CNTRL: variants seen among roughly 807,000 people sequenced by gnomAD.
CNTRL encodes the protein centriolin.
A neutral mutation model predicts 303.7 loss-of-function variants in CNTRL; 233 were observed. That is an observed-to-expected ratio of 0.77 (90% CI 0.69 to 0.86). The LOEUF (loss-of-function observed/expected upper bound fraction) is 0.86, where lower values mean the gene tolerates loss of function less well. CNTRL is among the 40% of genes least tolerant of loss of function. The pLI is 0.00. For synonymous variants in CNTRL, 900 were observed against 922.2 expected, an observed-to-expected ratio of 0.98 and a Z score of 0.44; for missense variants, 2,524 against 2,650.6, an observed-to-expected ratio of 0.95 and a Z score of 1.05.
chr9:121,090,135 CATT>C (rs1295880496), intron 3 of CNTRL, 137 bp from the exon 4 acceptor site: 3 of 452,048 alleles, frequency 6.6e-6, no homozygotes, highest in South Asian at 3.9e-5. Context: ...ATTATTAAAA[CATT>C]ATGATTAGAA....
chr9:121,119,080 A>ATGTGTGTGTGTG (rs3047904), intron 12 of CNTRL, among the ~76,000 whole-genome samples: 2 of 148,546 alleles, frequency 1.3e-5, no homozygotes, highest in East Asian at 2.0e-4. Context: ...ACATAAATAT[A>ATGTGTGTGTGTG]TGTGTGTGTG....
intron 1 of CNTRL, among the ~76,000 whole-genome samples, chr9:121,075,488 T>C (rs7039793): frequency 0.029 from 4,452 of 151,996 alleles, 208 homozygotes; most frequent in African/African-American, 0.1. Context: ...TCGGACGGAG[T>C]ACAGTGCGTG....
At position 121,152,606 on chromosome 9, in the gene CNTRL, A is replaced by G; in HGVS notation, c.4085A>G (p.Asn1362Ser). The G allele has an allele frequency of 1.9e-6, 3 of 1,614,046 alleles. No homozygotes were observed. Among genetic ancestry groups the G allele is most frequent in the Non-Finnish European group, 1.7e-6 (2 of 1,179,910 alleles). The change falls in exon 26 of 44, where the codon AAT becomes AGT. Residue 1362 changes from asparagine to serine, a missense_variant. Physicochemically the swap from Asn to Ser is conservative, Grantham distance 46 (BLOSUM62 1). Coordinates refer to ENST00000373855, the MANE Select transcript of CNTRL (RefSeq NM_007018.6). ...AAAGAAATGGAAGAACTGCATCATA[A>G]TATTGATGATCTTTTGCAAGAGAAG... ...SEKEMEELHH[N>S]IDDLLQEKKS...
chr9:121,081,994 G>T (rs917403461), intron 2 of CNTRL, among the ~76,000 whole-genome samples: 1 of 152,202 alleles, frequency 6.6e-6, no homozygotes, highest in Non-Finnish European at 1.5e-5. Context: ...ATTAGTAAAC[G>T]AAAGACACTC....
Position 121,171,487 on chromosome 9 carries a change from C to T in CNTRL, c.6356C>T (p.Ala2119Val). The change falls in exon 40 of 44, where the codon GCC becomes GTC. Residue 2119 changes from alanine (A) to valine (V), a missense_variant. Coordinates refer to ENST00000373855, the MANE Select transcript of CNTRL (RefSeq NM_007018.6). The part of the protein sequence containing the change: ...ELVAQDNHER[A>V]RRLMKELNQM... ...GTAGCCCAGGACAACCATGAGCGGG[C>T]CAGGCGCCTGATGAAGGAGCTCAAC... is the stretch of plus-strand genomic sequence containing the variant. The T allele has an allele frequency of 6.2e-7, 1 of 1,614,014 alleles. No homozygotes were observed. The highest frequency in any genetic ancestry group is 8.5e-7 in the Non-Finnish European group (1 of 1,179,952).
chr9:121,140,618 C>A, intron 16 of CNTRL, 23 bp from the exon 17 acceptor site: 3 of 1,589,444 alleles, frequency 1.9e-6, no homozygotes, highest in South Asian at 1.1e-5. Context: ...AATAGATAAT[C>A]CCTATTTCAT....
rs1420601333 is a variant in CNTRL, at chr9:121,177,533, C to CT, written c.*350dup. Reference sequence around the variant, plus strand: ...ACAAAAAGAATGTACTTAAGGCCCTCTTTATTTATAGTGTCGAGTTATTTT... The same window carrying CT: ...ACAAAAAGAATGTACTTAAGGCCCTCTTTTATTTATAGTGTCGAGTTATTTT... On this transcript the variant is annotated 3_prime_UTR_variant, in exon 44 of 44. Coordinates refer to ENST00000373855, the MANE Select transcript of CNTRL (RefSeq NM_007018.6). 3.9e-6 allele frequency: 1 copy of CT among 258,590 alleles called. No individual in the cohort carries two copies. The highest frequency in any genetic ancestry group is 7.3e-6 in the Non-Finnish European group (1 of 137,260). The allele number at this position is 258,590 out of a possible 1,614,324, so 16.0% of individuals were successfully genotyped here.
intron 7 of CNTRL, among the ~76,000 whole-genome samples, chr9:121,100,595 A>G (rs151060638): frequency 5.9e-5 from 9 of 152,360 alleles, no homozygotes; most frequent in Admixed American, 1.3e-4. Flanking sequence ...AATGCCCCCA[A>G]TTAAAAGACG....
rs1480007341 is a variant in CNTRL at position 121,148,606 on chromosome 9, T to C, written c.3460-66T>C. ...TACATCTCAACTTTGCTGTAGACTT[T>C]GACGTTTCTTAAAATCAGCCTTTCC... is the stretch of plus-strand genomic sequence containing the variant. On this transcript the variant is annotated intron_variant, in intron 23 of 43. Coordinates refer to ENST00000373855, the MANE Select transcript of CNTRL (RefSeq NM_007018.6). 6.2e-6 allele frequency: 9 copies of C among 1,442,858 alleles called. No homozygotes were observed. The East Asian group carries it at 1.6e-4, about 26-fold the overall frequency. 89.4% of individuals were successfully genotyped at this position (1,442,858 alleles called of 1,614,324 possible).
chr9:121,098,914 G>A (rs559858220), intron 7 of CNTRL, among the ~76,000 whole-genome samples: 1 of 152,242 alleles, frequency 6.6e-6, no homozygotes, highest in African/African-American at 2.4e-5. Context: ...CATTTAACCC[G>A]AAAGCAAAGA....
chr9:121,075,323 C>T (rs948983589), intron 1 of CNTRL, among the ~76,000 whole-genome samples: 1 of 152,152 alleles, frequency 6.6e-6, no homozygotes, highest in African/African-American at 2.4e-5. Flanking sequence ...GGATGAAGAA[C>T]CAGAGTGTGG....
chr9:121,177,227 C>G lies in CNTRL; in HGVS notation c.*41C>G. The G allele has an allele frequency of 6.5e-7, 1 of 1,533,716 alleles. No individual in the cohort carries two copies. The highest frequency in any genetic ancestry group is 9.0e-7 in the Non-Finnish European group (1 of 1,111,590). On this transcript the variant is annotated 3_prime_UTR_variant, in exon 44 of 44. Transcript: ENST00000373855. ...GTAAATATATTCAAGGAAAACACCT[C>G]CACTACCTCACTGACTTCATAATTG...
chr9:121,113,503 A>G lies in CNTRL; in HGVS notation c.1124A>G (p.Tyr375Cys), dbSNP rs752707957. ...ATAAATCTATTATTTTGCTTTTAGT[A>G]TGCTGAAATTGATAAAGCCCCAGAT... ...FEPLNYYPSE[Y>C]AEIDKAPDES... The change falls in exon 10 of 44, where the codon TAT becomes TGT. Residue 375 changes from tyrosine to cysteine, a missense_variant and splice_region_variant. Coordinates refer to ENST00000373855, the MANE Select transcript of CNTRL (RefSeq NM_007018.6). The G allele has an allele frequency of 1.1e-5, 17 of 1,554,416 alleles. No individual in the cohort carries two copies. Among genetic ancestry groups the G allele is most frequent in the Non-Finnish European group, 1.3e-5 (15 of 1,151,282 alleles).
rs1263918057 is a variant in CNTRL, at chr9:121,175,032, C to T, written c.6762C>T (p.His2254=). 6.2e-7 allele frequency: 1 copy of T among 1,613,752 alleles called. No homozygotes were observed. ...REDRLKAQLR[H]CMSKQAEVLI... Reference sequence around the variant, plus strand: ...ACACTTTTCAGGCCCAACTCCGACACTGTATGTCCAAGCAAGCAGAAGTAT... The same window carrying T: ...ACACTTTTCAGGCCCAACTCCGACATTGTATGTCCAAGCAAGCAGAAGTAT... The change falls in exon 43 of 44, where the codon CAC becomes CAT. Residue 2254 remains histidine (H), a synonymous_variant. Coordinates refer to ENST00000373855, the MANE Select transcript of CNTRL (RefSeq NM_007018.6).
intron 8 of CNTRL, among the ~76,000 whole-genome samples, chr9:121,109,395 G>C (rs773199169): frequency 2.0e-5 from 3 of 152,010 alleles, no homozygotes; most frequent in African/African-American, 4.8e-5. Context: ...CAGCATACGT[G>C]GACAACTCTC....
At chr9:121,114,442 G>A (rs191214923) in intron 10 of CNTRL, among the ~76,000 whole-genome samples, 6 of 152,210 alleles carry the variant, frequency 3.9e-5, no homozygotes, top group Admixed American at 2.0e-4. Flanking sequence ...AAGGCAAATA[G>A]AGGTTGACTT....
Position 121,148,663 on chromosome 9 carries a change from T to G in CNTRL, c.3460-9T>G, listed in dbSNP as rs1386312481. On this transcript the variant is annotated splice_polypyrimidine_tract_variant and intron_variant, in intron 23 of 43. Coordinates refer to ENST00000373855, the MANE Select transcript of CNTRL (RefSeq NM_007018.6). ...AATAGATAGTGTGCTCTGCTGTCAT[T>G]TGTTTTAGGTTTCCAGCCATAGTTC... The G allele has an allele frequency of 6.2e-7, 1 of 1,609,180 alleles. No individual in the cohort carries two copies. Among genetic ancestry groups the G allele is most frequent in the African/African-American group, 1.3e-5 (1 of 74,916 alleles).
At chr9:121,175,990 G>A in intron 43 of CNTRL, among the ~76,000 whole-genome samples, 1 of 152,192 alleles carries the variant, frequency 6.6e-6, no homozygotes, top group East Asian at 1.9e-4. Flanking sequence ...TTCTGTGTGA[G>A]CTTAGATAAG....
rs140763398 is a variant in CNTRL at position 121,128,459 on chromosome 9, A to G, written c.2025+2523A>G. ...AAATGTCTTCTTTTGAGAAATGTCTATTCGTATCCTTTGCCCCCTTTTTGA... is the reference window on the plus strand; with the variant it reads ...AAATGTCTTCTTTTGAGAAATGTCTGTTCGTATCCTTTGCCCCCTTTTTGA... On this transcript the variant is annotated intron_variant, in intron 14 of 43. Coordinates refer to ENST00000373855, the MANE Select transcript of CNTRL (RefSeq NM_007018.6). Among the ~76,000 whole-genome samples, 539 of 152,208 alleles carry G rather than the reference A, an allele frequency of 3.5e-3. 3 individuals are homozygous for G. Among genetic ancestry groups the G allele is most frequent in the African/African-American group, 0.012 (503 of 41,514 alleles).
Sources: gnomAD v4.1 joint callset for allele counts (sites outside exome capture counted in the v4.1 genomes callset) on GRCh38, gnomAD v4.1.1 for gene constraint, MANE v1.5 for transcripts, NCBI Gene and HGNC (gene_info 2026-07-23, HGNC 2026-07-21) for gene names.